CCDC191: variants seen among roughly 807,000 people sequenced by gnomAD.
CCDC191 encodes coiled-coil domain-containing protein 191.
CCDC191 carries 99 observed loss-of-function variants against 114.0 expected under a neutral mutation model. That is an observed-to-expected ratio of 0.87 (90% confidence interval 0.74 to 1.03). The LOEUF is 1.03. Among genes scored for constraint, CCDC191 ranks in the 50% least tolerant of loss-of-function variants. The pLI is 0.00. For synonymous variants in CCDC191, 351 were observed against 376.0 expected, an observed-to-expected ratio of 0.93 and a Z score of 0.77; for missense variants, 973 against 1,087.0, an observed-to-expected ratio of 0.90 and a Z score of 1.47.
intron 13 of CCDC191, among the ~76,000 whole-genome samples, chr3:113,996,723 G>A (rs2107647295): frequency 6.6e-6 from 1 of 152,256 alleles, no homozygotes; most frequent in Non-Finnish European, 1.5e-5. Context: ...CCTTTGCAGG[G>A]ACATGGATGA....
chr3:114,053,043 G>A (rs974341402), intron 2 of CCDC191, among the ~76,000 whole-genome samples: 9 of 152,166 alleles, frequency 5.9e-5, no homozygotes, highest in Non-Finnish European at 1.3e-4. Flanking sequence ...GATGTCAGAG[G>A]TTATCTAACA....
intron 16 of CCDC191, among the ~76,000 whole-genome samples, chr3:113,972,069 C>T (rs1206047107): frequency 6.6e-6 from 1 of 151,886 alleles, no homozygotes; most frequent in Non-Finnish European, 1.5e-5. Context: ...AGTCTCAATT[C>T]ATTTATTTCT....
intron 8 of CCDC191, among the ~76,000 whole-genome samples, chr3:114,015,212 A>T (rs2076139275): frequency 6.6e-6 from 1 of 152,070 alleles, no homozygotes; most frequent in African/African-American, 2.4e-5. Context: ...AGTAACAAAG[A>T]ACGAAGGGCT....
At chr3:113,987,039 A>G (rs929096517) in intron 13 of CCDC191, among the ~76,000 whole-genome samples, 7 of 152,134 alleles carry the variant, frequency 4.6e-5, no homozygotes, top group Non-Finnish European at 8.8e-5. Context: ...AGACACCCAC[A>G]AAGAAAGAAA....
At chr3:113,971,435 T>C (rs1175150788) in intron 16 of CCDC191, among the ~76,000 whole-genome samples, 4 of 152,238 alleles carry the variant, frequency 2.6e-5, no homozygotes, top group African/African-American at 9.6e-5. Flanking sequence ...CTTGAAATAA[T>C]TATATGGCTT....
chr3:114,011,717 C>T (rs1260623846), intron 8 of CCDC191, among the ~76,000 whole-genome samples: 2 of 152,190 alleles, frequency 1.3e-5, no homozygotes, highest in African/African-American at 2.4e-5. Context: ...GAAGAGCTCA[C>T]TTTGATTCCT....
At chr3:114,038,323 G>A (rs770429770) in intron 4 of CCDC191, among the ~76,000 whole-genome samples, 6 of 152,160 alleles carry the variant, frequency 3.9e-5, no homozygotes, top group African/African-American at 1.4e-4. Flanking sequence ...AATGGACTGC[G>A]TATATGAAGG....
intron 13 of CCDC191, among the ~76,000 whole-genome samples, chr3:113,986,658 C>T (rs2075369541): frequency 6.6e-6 from 1 of 152,156 alleles, no homozygotes; most frequent in African/African-American, 2.4e-5. Context: ...AGCCCTAACC[C>T]CTAGTGTGGC....
At chr3:113,975,522 GTACTGAGCGCTGTCATA>G (rs1941254944) in intron 16 of CCDC191, among the ~76,000 whole-genome samples, 1 of 152,160 alleles carries the variant, frequency 6.6e-6, no homozygotes, top group Non-Finnish European at 1.5e-5. Context: ...TGTTACCTAT[GTACTGAGCGCTGTCATA>G]TACTGAGAAC....
intron 4 of CCDC191, among the ~76,000 whole-genome samples, chr3:114,040,531 A>G (rs1460374127): frequency 1.3e-5 from 2 of 152,058 alleles, no homozygotes; most frequent in Admixed American, 6.5e-5. Flanking sequence ...TTAAAAGTCT[A>G]TTTTTGGGAA....
At chr3:114,012,359 TTTAA>T (rs1226286894) in intron 8 of CCDC191, among the ~76,000 whole-genome samples, 1 of 152,224 alleles carries the variant, frequency 6.6e-6, no homozygotes, top group Non-Finnish European at 1.5e-5. Flanking sequence ...TTTCATTATA[TTTAA>T]TTGTTTCCTT....
rs1559903359 is a variant in CCDC191, at chr3:114,006,619, A to ATATATATATATATATATAT, written c.1414-658_1414-657insATATATATATATATATATA. The stretch of plus-strand genomic sequence containing the variant: ...ATATATATATATATATATATATATA[A>ATATATATATATATATATAT]ATATATATATTTTATATATAAAAAA... On this transcript the variant is annotated intron_variant, in intron 9 of 16. Transcript: ENST00000295878. Among the ~76,000 whole-genome samples, 57 of 92,504 alleles carry ATATATATATATATATATAT rather than the reference A, an allele frequency of 6.2e-4. 1 individual carries two copies. The highest frequency in any genetic ancestry group is 2.3e-3 in the African/African-American group (55 of 23,902). 60.7% of individuals were successfully genotyped at this position (92,504 alleles called of 152,430 possible).
rs976969486 is a variant in CCDC191 at position 113,971,016 on chromosome 3, C to T, written c.2607-5657G>A. Among the ~76,000 whole-genome samples, 29 of 151,998 alleles carry T rather than the reference C, an allele frequency of 1.9e-4. 1 individual carries two copies. The highest frequency in any genetic ancestry group is 1.4e-3 in the Admixed American group (22 of 15,258). On this transcript the variant is annotated intron_variant, in intron 16 of 16. Coordinates refer to ENST00000295878, the MANE Select transcript of CCDC191 (RefSeq NM_020817.2). ...AAGTCTTTGCTATTGTGAATAGTGC[C>T]GCAATAAACATGTGTGCATGTGTCT... is the stretch of plus-strand genomic sequence containing the variant.
At chr3:114,003,956 T>G in intron 11 of CCDC191, 1 of 985,384 alleles carries the variant, frequency 1.0e-6, no homozygotes, top group Non-Finnish European at 1.2e-6. Flanking sequence ...AATGCTTCTA[T>G]TCGTATAGTT....
Position 114,015,085 on chromosome 3 carries a change from C to T in CCDC191, c.1163+3593G>A, listed in dbSNP as rs571850820. On this transcript the variant is annotated intron_variant, in intron 8 of 16. Transcript: ENST00000295878. The stretch of plus-strand genomic sequence containing the variant: ...CCAAAGGGCCAGTTTTTTTCACTGG[C>T]CTGCCACAGTACCCTCAAATCTCTG... 5.9e-5 allele frequency among the ~76,000 whole-genome samples: 9 copies of T among 152,148 alleles called. No homozygotes were observed. In the East Asian group the frequency reaches 1.5e-3, roughly 26 times the overall value.
chr3:114,008,464 T>G (rs185023540), intron 9 of CCDC191, among the ~76,000 whole-genome samples: 1 of 152,112 alleles, frequency 6.6e-6, no homozygotes, highest in East Asian at 1.9e-4. Flanking sequence ...AGTGCACAAT[T>G]TAATTTCACA....
At chr3:113,994,869 C>T (rs767210225) in intron 13 of CCDC191, among the ~76,000 whole-genome samples, 7 of 151,968 alleles carry the variant, frequency 4.6e-5, no homozygotes, top group African/African-American at 1.7e-4. Context: ...GGTGTGAACA[C>T]CTGACTGAAC....
chr3:114,031,145 A>G (rs1180726645), intron 7 of CCDC191, among the ~76,000 whole-genome samples: 1 of 152,240 alleles, frequency 6.6e-6, no homozygotes, highest in Non-Finnish European at 1.5e-5. Flanking sequence ...AAAATAAAAT[A>G]TAGACCATTA....
Position 114,010,816 on chromosome 3 carries a change from C to T in CCDC191, c.1369G>A (p.Glu457Lys). ...GGACCCACCATGGCTGTTGCCTCCT[C>T]AGGTAGACTGATGCCTGATAACCCA... ...ANGLSGISLP[E>K]EATAMVGPPV... The change falls in exon 9 of 17, where the codon GAG (glutamate) becomes AAG (lysine). Residue 457 changes from glutamate (E) to lysine (K), a missense_variant. Transcript: ENST00000295878. 1 of 1,614,040 alleles carries T rather than the reference C, an allele frequency of 6.2e-7. No individual in the cohort carries two copies. The highest frequency in any genetic ancestry group is 1.3e-5 in the African/African-American group (1 of 75,068).
Sources: allele counts gnomAD v4.1 joint callset (sites outside exome capture counted in the v4.1 genomes callset), GRCh38; gene constraint gnomAD v4.1.1; transcripts MANE v1.5; gene names NCBI Gene and HGNC (gene_info 2026-07-23, HGNC 2026-07-21).